Variants in FOXN3 observed in about 807,000 individuals in gnomAD.
The protein encoded by FOXN3 is forkhead box N3.
In FOXN3, 7 loss-of-function variants were observed where a neutral mutation model predicts 38.4. The ratio of observed to expected loss-of-function variants is 0.18; its 90% CI spans 0.10 to 0.34. The LOEUF (loss-of-function observed/expected upper bound fraction) is 0.34, where lower values mean the gene tolerates loss of function less well. FOXN3 is among the 10% of genes least tolerant of loss of function. FOXN3 has a pLI of 1.00. For synonymous variants in FOXN3, 230 were observed against 242.2 expected (o/e 0.95, Z 0.47); for missense variants, 456 against 613.4 (o/e 0.74, Z 2.71).
intron 1 of FOXN3, among the ~76,000 whole-genome samples, chr14:89,436,834 A>G (rs1191472697): frequency 1.3e-5 from 2 of 152,232 alleles, no homozygotes; most frequent in African/African-American, 4.8e-5. Flanking sequence ...ACCAAATTAT[A>G]CATTATCACT....
intron 1 of FOXN3, among the ~76,000 whole-genome samples, chr14:89,511,168 T>TC (rs67224050): frequency 0.069 from 1,291 of 18,604 alleles, 125 homozygotes; most frequent in Non-Finnish European, 0.2. Context: ...TTTCTTTCTT[T>TC]CTTTCTTTCT....
chr14:89,405,019 G>A (rs3783841), intron 2 of FOXN3, among the ~76,000 whole-genome samples: 56,420 of 152,128 alleles, frequency 0.37, 13,106 homozygotes, highest in Admixed American at 0.52. Context: ...GTTGACTGGT[G>A]TCACGGTTAG....
chr14:89,189,067 G>T (rs1260527298), intron 4 of FOXN3, among the ~76,000 whole-genome samples: 1 of 152,126 alleles, frequency 6.6e-6, no homozygotes, highest in East Asian at 1.9e-4. Flanking sequence ...AACAGGTAAT[G>T]GCAGCTCCAG....
intron 3 of FOXN3, among the ~76,000 whole-genome samples, chr14:89,335,037 T>C (rs1033466833): frequency 6.6e-6 from 1 of 151,012 alleles, no homozygotes; most frequent in Non-Finnish European, 1.5e-5. Flanking sequence ...AGTGCTGGGA[T>C]TACAGACCTG....
chr14:89,536,347 A>C (rs1317288662), intron 1 of FOXN3, among the ~76,000 whole-genome samples: 1 of 152,234 alleles, frequency 6.6e-6, no homozygotes, highest in East Asian at 1.9e-4. Context: ...GTGAGGATTA[A>C]AGTGCTTAGA....
chr14:89,356,166 G>A (rs1267851115), intron 2 of FOXN3, among the ~76,000 whole-genome samples: 2 of 152,170 alleles, frequency 1.3e-5, no homozygotes, highest in Non-Finnish European at 2.9e-5. Flanking sequence ...GGGAGGCCGA[G>A]GTGGACAGAT....
chr14:89,312,365 C>G (rs574192251), intron 3 of FOXN3, among the ~76,000 whole-genome samples: 7 of 150,122 alleles, frequency 4.7e-5, no homozygotes, highest in African/African-American at 1.7e-4. Flanking sequence ...CCAATCCACA[C>G]GGGCAAGGGT....
chr14:89,534,838 C>T (rs1164746016), intron 1 of FOXN3, among the ~76,000 whole-genome samples: 3 of 152,186 alleles, frequency 2.0e-5, no homozygotes, highest in Admixed American at 6.5e-5. Flanking sequence ...TGCCAAGAGG[C>T]CCGTTCTATC....
At chr14:89,282,702 G>C (rs1886500442) in intron 3 of FOXN3, among the ~76,000 whole-genome samples, 1 of 152,144 alleles carries the variant, frequency 6.6e-6, no homozygotes, top group Non-Finnish European at 1.5e-5. Flanking sequence ...GGTGTTTCTA[G>C]AGAATTCAAT....
intron 1 of FOXN3, among the ~76,000 whole-genome samples, chr14:89,563,334 T>C (rs1188474760): frequency 6.6e-6 from 1 of 152,170 alleles, no homozygotes; most frequent in Non-Finnish European, 1.5e-5. Flanking sequence ...AATATGATAT[T>C]CTATCTCATC....
chr14:89,369,559 T>A (rs74719872), intron 2 of FOXN3, among the ~76,000 whole-genome samples: 38 of 125,676 alleles, frequency 3.0e-4, no homozygotes, highest in Middle Eastern at 4.1e-3. Flanking sequence ...TTTTTTTTTT[T>A]TAAAAAAGAG....
intron 1 of FOXN3, among the ~76,000 whole-genome samples, chr14:89,513,920 ACACACACACGCACG>A (rs939365693): frequency 2.5e-4 from 38 of 151,744 alleles, no homozygotes; most frequent in Middle Eastern, 3.4e-3. Context: ...ACACACACAC[ACACACACACGCACG>A]CACACACGCA....
intron 1 of FOXN3, among the ~76,000 whole-genome samples, chr14:89,595,132 T>C (rs907152613): frequency 6.7e-6 from 1 of 148,296 alleles, no homozygotes; most frequent in Non-Finnish European, 1.5e-5. Flanking sequence ...CTGGCTAACA[T>C]GGTGAAACCC....
rs60807654 is a variant in FOXN3 at position 89,404,743 on chromosome 14, G to A, written c.543+7191C>T. On this transcript the variant is annotated intron_variant, in intron 2 of 5. Transcript: ENST00000557258. Reference sequence around the variant, plus strand: ...AGTAGGCACCGGTGAGAAGGAGGCCGTCTTCAGGGAGAGCCATTTCCGACG... The same window carrying A: ...AGTAGGCACCGGTGAGAAGGAGGCCATCTTCAGGGAGAGCCATTTCCGACG... Among the ~76,000 whole-genome samples the A allele has an allele frequency of 6.6e-3, 1,010 of 152,122 alleles. 5 individuals are homozygous for A. Among genetic ancestry groups the A allele is most frequent in the African/African-American group, 0.012 (502 of 41,490 alleles).
At chr14:89,465,399 T>C (rs1892958987) in intron 1 of FOXN3, among the ~76,000 whole-genome samples, 1 of 152,116 alleles carries the variant, frequency 6.6e-6, no homozygotes, top group Non-Finnish European at 1.5e-5. Context: ...CCAGCTAATT[T>C]TTGTATTTTT....
intron 1 of FOXN3, among the ~76,000 whole-genome samples, chr14:89,519,382 G>T (rs1018409359): frequency 6.6e-6 from 1 of 152,136 alleles, no homozygotes; most frequent in Non-Finnish European, 1.5e-5. Context: ...TGAAAAAAAG[G>T]GTTGTGAAAA....
At chr14:89,528,168 T>A (rs1894470182) in intron 1 of FOXN3, among the ~76,000 whole-genome samples, 1 of 152,170 alleles carries the variant, frequency 6.6e-6, no homozygotes, top group Non-Finnish European at 1.5e-5. Context: ...CTTAGGTATA[T>A]ATCTGATAGA....
upstream of FOXN3, chr14:89,417,260 G>GGGAGGGAGGAGGGC (rs1596263816): frequency 6.8e-6 from 1 of 147,768 alleles, no homozygotes; most frequent in Non-Finnish European, 1.5e-5. Context: ...GGGAAGCGCG[G>GGGAGGGAGGAGGGC]GGAGGGAGGA....
chr14:89,463,652 A>C (rs1003222463), intron 1 of FOXN3, among the ~76,000 whole-genome samples: 35 of 152,304 alleles, frequency 2.3e-4, no homozygotes, highest in Admixed American at 2.2e-3. Flanking sequence ...AGACCTCTTC[A>C]GTACAGCCTC....
Sources: gnomAD v4.1 joint callset for allele counts (sites outside exome capture counted in the v4.1 genomes callset) on GRCh38, gnomAD v4.1.1 for gene constraint, MANE v1.5 for transcripts, NCBI Gene and HGNC (gene_info 2026-07-23, HGNC 2026-07-21) for gene names.